The following RBPMS variants were observed in gnomAD, a reference collection of about 807,000 sequenced individuals.
RBPMS encodes the protein RNA binding protein, mRNA processing factor.
Under a neutral mutation model 26.8 loss-of-function variants are expected in RBPMS, and 7 were observed. That is an observed-to-expected ratio of 0.26 (90% confidence interval 0.15 to 0.49). RBPMS has a LOEUF of 0.49. Among genes scored for constraint, RBPMS ranks in the 20% least tolerant of loss-of-function variants. RBPMS has a pLI of 0.98. For missense variants in RBPMS, 186 were observed against 250.0 expected (o/e 0.74, Z 1.73); for synonymous variants, 96 against 93.3 (o/e 1.03, Z -0.17).
At position 30,537,774 on chromosome 8, in the gene RBPMS, A is replaced by G. The variant is rs1196126989; in HGVS notation, c.398-6720A>G. On this transcript the variant is annotated intron_variant, in intron 5 of 8. Transcript: ENST00000397323. The stretch of plus-strand genomic sequence containing the variant: ...CCCATGAGGATGATTGGTGCACAGA[A>G]TGTGGTCAGTAAACACGAGCTCCTA... 3 of 390,292 alleles carry G rather than the reference A, an allele frequency of 7.7e-6. No homozygotes were observed. In the Admixed American group the frequency reaches 9.0e-5, roughly 12 times the overall value. The allele number at this position is 390,292 out of a possible 1,614,324, so 24.2% of individuals were successfully genotyped here.
At position 30,452,820 on chromosome 8, in the gene RBPMS, G is replaced by C. The variant is rs184172171; in HGVS notation, c.67-21959G>C. 4.0e-3 allele frequency among the ~76,000 whole-genome samples: 615 copies of C among 152,302 alleles called. 2 individuals carry two copies. Among genetic ancestry groups the C allele is most frequent in the Non-Finnish European group, 6.1e-3 (414 of 68,012 alleles). ...CACTTGTTTGTGTCATGTGAGATAT[G>C]CTATTTGTCTAAAAACTATCCTTTT... On this transcript the variant is annotated intron_variant, in intron 1 of 8. Coordinates refer to ENST00000397323, the MANE Select transcript of RBPMS (RefSeq NM_001008710.3).
Position 30,481,075 on chromosome 8 carries a change from CT to C in RBPMS, c.246+1700del, listed in dbSNP as rs1451410868. Among the ~76,000 whole-genome samples, 5 of 152,318 alleles carry C rather than the reference CT, an allele frequency of 3.3e-5. No homozygotes were observed. The East Asian group carries it at 9.6e-4, about 29-fold the overall frequency. ...CTGTCATCTGACAAGGCAACATTCC[CT>C]TAGGTGTGGTAGGTTGCATTTTTGT... On this transcript the variant is annotated intron_variant, in intron 4 of 8. Transcript: ENST00000397323.
intron 5 of RBPMS, among the ~76,000 whole-genome samples, chr8:30,510,525 T>C (rs1821480733): frequency 6.6e-6 from 1 of 151,968 alleles, no homozygotes; most frequent in South Asian, 2.1e-4. Flanking sequence ...AGTTATGTTT[T>C]TATTATTTAC....
At chr8:30,456,706 G>C (rs1815259484) in intron 1 of RBPMS, among the ~76,000 whole-genome samples, 1 of 152,170 alleles carries the variant, frequency 6.6e-6, no homozygotes, top group Non-Finnish European at 1.5e-5. Flanking sequence ...TGTATCATGA[G>C]GTCAGGAGTT....
intron 1 of RBPMS, among the ~76,000 whole-genome samples, chr8:30,448,941 G>T (rs183667166): frequency 1.3e-5 from 2 of 152,220 alleles, no homozygotes; most frequent in East Asian, 3.9e-4. Flanking sequence ...GCTGTCTTTC[G>T]TTTAACTGCT....
intron 2 of RBPMS, among the ~76,000 whole-genome samples, chr8:30,475,977 GT>G (rs1817651421): frequency 6.6e-6 from 1 of 152,114 alleles, no homozygotes; most frequent in African/African-American, 2.4e-5. Context: ...AATTTCCTGA[GT>G]TTCTTCTGCC....
chr8:30,532,576 A>G (rs944773780), intron 5 of RBPMS, among the ~76,000 whole-genome samples: 2 of 152,206 alleles, frequency 1.3e-5, no homozygotes, highest in African/African-American at 4.8e-5. Context: ...ATTTACAACT[A>G]AAGGACTTAA....
chr8:30,543,736 G>GC (rs1241911034), intron 5 of RBPMS, among the ~76,000 whole-genome samples: 1 of 152,166 alleles, frequency 6.6e-6, no homozygotes, highest in Admixed American at 6.5e-5. Context: ...CTGGCCAACT[G>GC]CAGCCTGACC....
At chr8:30,532,669 C>G (rs79778861) in intron 5 of RBPMS, among the ~76,000 whole-genome samples, 2,051 of 152,136 alleles carry the variant, frequency 0.013, 52 homozygotes, top group African/African-American at 0.046. Context: ...TGGAATTACC[C>G]CATCTATAAT....
intron 8 of RBPMS, among the ~76,000 whole-genome samples, chr8:30,567,292 C>G (rs1000195049): frequency 6.6e-6 from 1 of 152,214 alleles, no homozygotes; most frequent in East Asian, 1.9e-4. Context: ...TCAGTGCCGA[C>G]CCAGGAGCAG....
At chr8:30,517,553 G>A (rs1336470433) in intron 5 of RBPMS, among the ~76,000 whole-genome samples, 1 of 152,164 alleles carries the variant, frequency 6.6e-6, no homozygotes, top group African/African-American at 2.4e-5. Flanking sequence ...TAACAGTTCT[G>A]TGCAGGAAAT....
chr8:30,552,269 T>C (rs1409777376), intron 6 of RBPMS: 1 of 152,160 alleles, frequency 6.6e-6, no homozygotes, highest in Non-Finnish European at 1.5e-5. Flanking sequence ...ATGTGAACTC[T>C]AACTGCTTTG....
At chr8:30,504,877 CT>C (rs1277199561) in intron 5 of RBPMS, among the ~76,000 whole-genome samples, 1 of 152,090 alleles carries the variant, frequency 6.6e-6, no homozygotes, top group Non-Finnish European at 1.5e-5. Flanking sequence ...GAATTTGGTT[CT>C]ATTCAGTTTA....
rs574372520 is a variant in RBPMS at position 30,567,130 on chromosome 8, A to G, written c.*111+770A>G. On this transcript the variant is annotated intron_variant, in intron 8 of 8. Transcript: ENST00000397323. ...TGGTGGTTTATGTCTCAGCCTAAATAAAGCGGCAGGCTGCATCCCTCTGAG... is the reference window on the plus strand; with the variant it reads ...TGGTGGTTTATGTCTCAGCCTAAATGAAGCGGCAGGCTGCATCCCTCTGAG... 2.0e-3 allele frequency among the ~76,000 whole-genome samples: 306 copies of G among 152,326 alleles called. 1 individual carries two copies. Among genetic ancestry groups the G allele is most frequent in the African/African-American group, 7.1e-3 (294 of 41,570 alleles).
chr8:30,516,919 C>CAA (rs1822381272), intron 5 of RBPMS, among the ~76,000 whole-genome samples: 1 of 151,616 alleles, frequency 6.6e-6, no homozygotes, highest in South Asian at 2.1e-4. Context: ...CACACACACA[C>CAA]ACAGACACAC....
chr8:30,553,881 A>T (rs1826603909), intron 6 of RBPMS: 1 of 152,104 alleles, frequency 6.6e-6, no homozygotes, highest in African/African-American at 2.4e-5. Flanking sequence ...GGTTCACGCA[A>T]TCCTCCTGCC....
chr8:30,549,796 C>CTCT (rs56259442), intron 6 of RBPMS, among the ~76,000 whole-genome samples: 66 of 96,396 alleles, frequency 6.8e-4, no homozygotes, highest in South Asian at 6.8e-4. Context: ...CTCTCTCTCT[C>CTCT]CCCTCTCTCC....
At chr8:30,549,809 T>TCTGTCCCCTCTCTC (rs1826190733) in intron 6 of RBPMS, among the ~76,000 whole-genome samples, 3 of 92,552 alleles carry the variant, frequency 3.2e-5, no homozygotes, top group African/African-American at 1.3e-4. Flanking sequence ...CTCTCTCCTC[T>TCTGTCCCCTCTCTC]CTCTCTCTCT....
intron 8 of RBPMS, among the ~76,000 whole-genome samples, chr8:30,567,576 A>T (rs1827988651): frequency 6.6e-6 from 1 of 152,232 alleles, no homozygotes; most frequent in Non-Finnish European, 1.5e-5. Flanking sequence ...GATATTTAAA[A>T]ACCAGTTAAG....
Sources: allele counts gnomAD v4.1 joint callset (sites outside exome capture counted in the v4.1 genomes callset), GRCh38; gene constraint gnomAD v4.1.1; transcripts MANE v1.5; gene names NCBI Gene and HGNC (gene_info 2026-07-23, HGNC 2026-07-21).